Variants in DLGAP1 observed in about 807,000 individuals in gnomAD.
DLGAP1 encodes the protein disks large-associated protein 1.
Under a neutral mutation model 90.8 loss-of-function variants are expected in DLGAP1, and 11 were observed. The observed-to-expected ratio is 0.12, with a 90% CI of 0.08 to 0.20. The LOEUF (loss-of-function observed/expected upper bound fraction) is 0.20. Ranked by LOEUF, DLGAP1 falls within the 10% of genes least tolerant of loss-of-function variation. The pLI is 1.00. For missense variants in DLGAP1, 1,050 were observed against 1,333.8 expected, an observed-to-expected ratio of 0.79 and a Z score of 3.31; for synonymous variants, 558 against 540.7, an observed-to-expected ratio of 1.03 and a Z score of -0.44.
intron 7 of DLGAP1, among the ~76,000 whole-genome samples, chr18:3,600,752 A>C (rs1377601753): frequency 1.1e-5 from 1 of 88,862 alleles, no homozygotes; most frequent in Non-Finnish European, 2.2e-5. Flanking sequence ...ATATAGATAT[A>C]TATAGATATA....
chr18:4,198,009 CAGG>C (rs1004844317), intron 1 of DLGAP1, among the ~76,000 whole-genome samples: 16 of 152,116 alleles, frequency 1.1e-4, no homozygotes, highest in African/African-American at 3.6e-4. Flanking sequence ...ATCACGAGAT[CAGG>C]AGATCAAGAC....
At position 3,676,107 on chromosome 18, in the gene DLGAP1, A is replaced by C. The variant is rs570701748; in HGVS notation, c.1591+53028T>G. On this transcript the variant is annotated intron_variant, in intron 7 of 12. Coordinates refer to ENST00000315677, the MANE Select transcript of DLGAP1 (RefSeq NM_004746.4). ...GCCTGTAAGATCAAGCTGCAGACATAGATGCCGGCAGTTGTGCCAATCATG... is the reference window on the plus strand; with the variant it reads ...GCCTGTAAGATCAAGCTGCAGACATCGATGCCGGCAGTTGTGCCAATCATG... Among the ~76,000 whole-genome samples, 11 of 152,362 alleles carry C rather than the reference A, an allele frequency of 7.2e-5. No individual in the cohort carries two copies. The South Asian group carries it at 2.3e-3, about 32-fold the overall frequency.
chr18:3,935,603 C>A (rs1270159612), intron 3 of DLGAP1, among the ~76,000 whole-genome samples: 2 of 152,162 alleles, frequency 1.3e-5, no homozygotes, highest in South Asian at 4.1e-4. Flanking sequence ...GGTCCATCTG[C>A]TATTCTTGTT....
At chr18:3,506,521 A>C (rs1239009081) in intron 11 of DLGAP1, among the ~76,000 whole-genome samples, 1 of 149,988 alleles carries the variant, frequency 6.7e-6, no homozygotes, top group African/African-American at 2.4e-5. Context: ...CTCAAAAAAA[A>C]AAAAAAAAAA....
At position 3,566,801 on chromosome 18, in the gene DLGAP1, CT is replaced by C. The variant is rs374882433; in HGVS notation, c.2057+688del. On this transcript the variant is annotated intron_variant, in intron 9 of 12. Coordinates refer to ENST00000315677, the MANE Select transcript of DLGAP1 (RefSeq NM_004746.4). Reference sequence around the variant, plus strand: ...TATTTAGTATGTGCAAATCACAATGCTGGAAGCTGGGGGTACTACTAGCAAT... The same window carrying C: ...TATTTAGTATGTGCAAATCACAATGCGGAAGCTGGGGGTACTACTAGCAAT... 3.9e-5 allele frequency among the ~76,000 whole-genome samples: 6 copies of C among 152,118 alleles called. No homozygotes were observed. The South Asian group carries it at 8.3e-4, about 21-fold the overall frequency.
intron 7 of DLGAP1, among the ~76,000 whole-genome samples, chr18:3,604,931 T>C (rs1408028258): frequency 6.6e-6 from 1 of 152,208 alleles, no homozygotes; most frequent in Non-Finnish European, 1.5e-5. Flanking sequence ...TCTGTGTACA[T>C]ACTGGGCAAC....
chr18:4,018,026 G>A (rs954920079), intron 2 of DLGAP1, among the ~76,000 whole-genome samples: 3 of 152,128 alleles, frequency 2.0e-5, no homozygotes, highest in African/African-American at 7.2e-5. Flanking sequence ...CATGCCTTAA[G>A]TTAGGTTGGT....
chr18:3,672,404 G>A (rs1432943337), intron 7 of DLGAP1, among the ~76,000 whole-genome samples: 5 of 151,532 alleles, frequency 3.3e-5, no homozygotes, highest in East Asian at 1.9e-4. Context: ...ATGGAGAAAC[G>A]TCATCTCTAC....
intron 1 of DLGAP1, among the ~76,000 whole-genome samples, chr18:4,255,518 T>C (rs1480124925): frequency 6.7e-6 from 1 of 150,168 alleles, no homozygotes; most frequent in African/African-American, 2.4e-5. Context: ...AAAATATATA[T>C]ATATACAATT....
At chr18:4,096,657 A>G (rs2075684869) in intron 2 of DLGAP1, among the ~76,000 whole-genome samples, 1 of 152,040 alleles carries the variant, frequency 6.6e-6, no homozygotes, top group Admixed American at 6.6e-5. Flanking sequence ...GTCCTCTTAG[A>G]TCTCAAGGGA....
intron 7 of DLGAP1, among the ~76,000 whole-genome samples, chr18:3,617,290 T>C (rs1009111091): frequency 6.6e-6 from 1 of 152,154 alleles, no homozygotes; most frequent in Non-Finnish European, 1.5e-5. Flanking sequence ...CTGATCTTTC[T>C]ATTAAAAATA....
chr18:3,537,827 A>T (rs1311728083), intron 9 of DLGAP1, among the ~76,000 whole-genome samples: 1 of 152,104 alleles, frequency 6.6e-6, no homozygotes, highest in Non-Finnish European at 1.5e-5. Flanking sequence ...GTGTTTTTGA[A>T]TGTGTGAGGT....
chr18:4,108,193 C>T (rs1342745330), intron 2 of DLGAP1, among the ~76,000 whole-genome samples: 1 of 152,196 alleles, frequency 6.6e-6, no homozygotes, highest in East Asian at 1.9e-4. Context: ...ATCTACCTCT[C>T]TCCTCCCATA....
chr18:3,915,887 G>C (rs1452794287), intron 3 of DLGAP1, among the ~76,000 whole-genome samples: 1 of 151,928 alleles, frequency 6.6e-6, no homozygotes, highest in Non-Finnish European at 1.5e-5. Context: ...ACAAGTCTTA[G>C]ACCTTAGATA....
chr18:4,298,680 G>A (rs1343906486), intron 1 of DLGAP1, among the ~76,000 whole-genome samples: 4 of 152,006 alleles, frequency 2.6e-5, no homozygotes, highest in Non-Finnish European at 4.4e-5. Context: ...GCTAGATGAC[G>A]AGTTAGTGGG....
intron 4 of DLGAP1, among the ~76,000 whole-genome samples, chr18:3,861,819 T>A (rs2070080673): frequency 1.3e-5 from 2 of 152,376 alleles, no homozygotes; most frequent in Admixed American, 6.5e-5. Flanking sequence ...CATTAGGGAA[T>A]CCTGCCTCAA....
chr18:4,340,845 T>A (rs988796963), intron 1 of DLGAP1, among the ~76,000 whole-genome samples: 1 of 152,146 alleles, frequency 6.6e-6, no homozygotes, highest in Admixed American at 6.5e-5. Flanking sequence ...CACTTTCAGG[T>A]TTGGACACAC....
intron 4 of DLGAP1, among the ~76,000 whole-genome samples, chr18:3,878,835 A>G (rs1309270431): frequency 1.3e-5 from 2 of 152,174 alleles, no homozygotes; most frequent in Non-Finnish European, 2.9e-5. Context: ...CCCTCAGACA[A>G]AAGAGGAAGC....
At chr18:4,008,495 C>G (rs1349418688) in intron 2 of DLGAP1, among the ~76,000 whole-genome samples, 2 of 152,090 alleles carry the variant, frequency 1.3e-5, no homozygotes, top group African/African-American at 4.8e-5. Flanking sequence ...TTGTATCAGG[C>G]TACAATTTTT....
Sources: allele counts gnomAD v4.1 joint callset (sites outside exome capture counted in the v4.1 genomes callset), GRCh38; gene constraint gnomAD v4.1.1; transcripts MANE v1.5; gene names NCBI Gene and HGNC (gene_info 2026-07-23, HGNC 2026-07-21).